Variants in ZFTRAF1 observed in about 807,000 individuals in gnomAD.
ZFTRAF1 encodes the protein zinc finger TRAF-type and ring finger containing 1, also known as zinc finger TRAF-type-containing protein 1.
At chr8:144,451,976 C>T in the ZFTRAF1 span, 6 of 321,114 alleles carry the variant, frequency 1.9e-5, no homozygotes, top group Non-Finnish European at 3.7e-5. Context: ...CCCCAGGGTC[C>T]GAGGGGCAGG....
chr8:144,459,220 G>A, the ZFTRAF1 span, among the ~76,000 whole-genome samples: 42 of 152,248 alleles, frequency 2.8e-4, no homozygotes, highest in Non-Finnish European at 4.3e-4. Context: ...CCCTCGGGCC[G>A]CAGAGCAGGG....
the ZFTRAF1 span, among the ~76,000 whole-genome samples, chr8:144,460,508 AT>A: frequency 6.6e-6 from 1 of 152,330 alleles, no homozygotes; most frequent in East Asian, 1.9e-4. Flanking sequence ...CCACCCACCA[AT>A]GGGGAGACAA....
At chr8:144,452,009 A>G in the ZFTRAF1 span, 1 of 362,092 alleles carries the variant, frequency 2.8e-6, no homozygotes, top group Non-Finnish European at 5.4e-6. Context: ...AGGCCCCCTG[A>G]GACCTGCCCA....
the ZFTRAF1 span, chr8:144,455,861 C>T: frequency 2.0e-5 from 3 of 152,608 alleles, no homozygotes; most frequent in Non-Finnish European, 4.4e-5. Flanking sequence ...AAGCACATCA[C>T]CACTTACCTC....
the ZFTRAF1 span, chr8:144,455,711 A>AC: frequency 6.6e-6 from 1 of 152,160 alleles, no homozygotes; most frequent in Non-Finnish European, 1.5e-5. Flanking sequence ...CTGTGGCCCG[A>AC]CCCCCAAGGG....
chr8:144,456,816 CATCACCGGGGGATGA>C, the ZFTRAF1 span: 1 of 147,524 alleles, frequency 6.8e-6, no homozygotes, highest in Non-Finnish European at 1.5e-5. Context: ...GGGGGGATGA[CATCACCGGGGGATGA>C]CATCACAGGG....
chr8:144,460,962 T>C, the ZFTRAF1 span, among the ~76,000 whole-genome samples: 1 of 152,158 alleles, frequency 6.6e-6, no homozygotes, highest in Non-Finnish European at 1.5e-5. Flanking sequence ...TGGGCACATC[T>C]TGGAAGCTGA....
the ZFTRAF1 span, among the ~76,000 whole-genome samples, chr8:144,458,316 C>T: frequency 6.6e-6 from 1 of 152,232 alleles, no homozygotes; most frequent in African/African-American, 2.4e-5. Context: ...CAAATGATAA[C>T]CACCACAGAA....
At chr8:144,450,333 G>C in the ZFTRAF1 span, 1 of 695,882 alleles carries the variant, frequency 1.4e-6, no homozygotes, top group African/African-American at 1.8e-5. Context: ...GGGCAGCGGT[G>C]CTGGGATGCC....
the ZFTRAF1 span, among the ~76,000 whole-genome samples, chr8:144,458,242 G>C: frequency 6.6e-6 from 1 of 152,218 alleles, no homozygotes; most frequent in Non-Finnish European, 1.5e-5. Context: ...CTCAAACGGT[G>C]GCCAATCAAT....
At chr8:144,462,191 G>A in the ZFTRAF1 span, 1 of 440,518 alleles carries the variant, frequency 2.3e-6, no homozygotes, top group Non-Finnish European at 4.0e-6. Flanking sequence ...GGCCCCGCAG[G>A]CCTGGCCTCC....
At chr8:144,459,764 C>T in the ZFTRAF1 span, among the ~76,000 whole-genome samples, 1 of 152,216 alleles carries the variant, frequency 6.6e-6, no homozygotes, top group African/African-American at 2.4e-5. Context: ...CTCTTCTCAC[C>T]AGAGTCAGGG....
At chr8:144,462,110 T>G in the ZFTRAF1 span, among the ~76,000 whole-genome samples, 1 of 152,194 alleles carries the variant, frequency 6.6e-6, no homozygotes, top group East Asian at 1.9e-4. Flanking sequence ...ACGAGGAGCT[T>G]CGGAGCAGCC....
the ZFTRAF1 span, chr8:144,450,622 C>A: frequency 1.4e-4 from 102 of 718,014 alleles, no homozygotes; most frequent in Admixed American, 3.2e-4. Context: ...GGAAGGAGAG[C>A]GTACGCTTGC....
the ZFTRAF1 span, among the ~76,000 whole-genome samples, chr8:144,458,894 G>T: frequency 6.6e-6 from 1 of 152,246 alleles, no homozygotes; most frequent in African/African-American, 2.4e-5. Context: ...GACCACATCT[G>T]TGAGAGGCCC....
chr8:144,456,490 G>C, the ZFTRAF1 span: 1 of 152,544 alleles, frequency 6.6e-6, no homozygotes, highest in East Asian at 1.9e-4. Flanking sequence ...GTGGGCCAAG[G>C]CCCCCAAGAG....
At chr8:144,451,042 C>T in the ZFTRAF1 span, 12 of 422,684 alleles carry the variant, frequency 2.8e-5, no homozygotes, top group South Asian at 4.6e-4. Context: ...CCAGGCGTGC[C>T]CGACCCACGC....
chr8:144,461,351 G>A, the ZFTRAF1 span, among the ~76,000 whole-genome samples: 17 of 152,330 alleles, frequency 1.1e-4, no homozygotes, highest in East Asian at 1.3e-3. Context: ...TGAAAGAGAG[G>A]GAAAGACACA....
At chr8:144,458,101 C>T in the ZFTRAF1 span, among the ~76,000 whole-genome samples, 1 of 152,230 alleles carries the variant, frequency 6.6e-6, no homozygotes, top group South Asian at 2.1e-4. Flanking sequence ...CCCTAACCTC[C>T]CGAATCAAAC....
Sources: gnomAD v4.1 joint callset for allele counts (sites outside exome capture counted in the v4.1 genomes callset) on GRCh38, gnomAD v4.1.1 for gene constraint, MANE v1.5 for transcripts, NCBI Gene and HGNC (gene_info 2026-07-23, HGNC 2026-07-21) for gene names.